The following GPR39 variants were observed in gnomAD, a reference collection of about 807,000 sequenced individuals.
GPR39 encodes the protein zinc sensing receptor.
Under a neutral mutation model 18.4 loss-of-function variants are expected in GPR39, and 23 were observed. That is an observed-to-expected ratio of 1.25 (90% CI 0.90 to 1.77). The LOEUF (loss-of-function observed/expected upper bound fraction) is 1.77. Ranked by LOEUF, GPR39 falls within the 40% of genes most tolerant of loss-of-function variation. GPR39 has a pLI of 0.00. For synonymous variants in GPR39, 280 were observed against 257.9 expected (o/e 1.09, Z -0.82); for missense variants, 647 against 602.4 (o/e 1.07, Z -0.78).
At chr2:132,636,156 G>A (rs775924510) in intron 1 of GPR39, among the ~76,000 whole-genome samples, 1 of 152,196 alleles carries the variant, frequency 6.6e-6, no homozygotes, top group Non-Finnish European at 1.5e-5. Flanking sequence ...ACAAGAAGTG[G>A]TAGCTGGTGT....
intron 1 of GPR39, among the ~76,000 whole-genome samples, chr2:132,601,305 AAC>A (rs1360822990): frequency 6.6e-6 from 1 of 152,226 alleles, no homozygotes; most frequent in Non-Finnish European, 1.5e-5. Flanking sequence ...AGGATGGTTT[AAC>A]ACACACAAAT....
chr2:132,644,410 A>C (rs1681943560), intron 1 of GPR39, among the ~76,000 whole-genome samples: 3 of 152,236 alleles, frequency 2.0e-5, no homozygotes. Context: ...CCATCTCTGA[A>C]TAATTCTTTT....
At chr2:132,528,235 G>A (rs1679547651) in intron 1 of GPR39, among the ~76,000 whole-genome samples, 1 of 152,148 alleles carries the variant, frequency 6.6e-6, no homozygotes, top group African/African-American at 2.4e-5. Context: ...AGATCAGATG[G>A]TTGTGGATAT....
rs368535701 is a variant in GPR39 at position 132,634,788 on chromosome 2, G to A, written c.857-10313G>A. Among the ~76,000 whole-genome samples, 36 of 152,350 alleles carry A rather than the reference G, an allele frequency of 2.4e-4. No homozygotes were observed. In the East Asian group the frequency reaches 4.4e-3, roughly 19 times the overall value. ...CCTCAGGTGAATTATTTTGGCATAAGTGAATGTCCTCTGATATGTCTTTGG... is the reference window on the plus strand; with the variant it reads ...CCTCAGGTGAATTATTTTGGCATAAATGAATGTCCTCTGATATGTCTTTGG... On this transcript the variant is annotated intron_variant, in intron 1 of 1. Coordinates refer to ENST00000329321, the MANE Select transcript of GPR39 (RefSeq NM_001508.3).
At chr2:132,490,485 A>G (rs1681435276) in intron 1 of GPR39, among the ~76,000 whole-genome samples, 1 of 151,978 alleles carries the variant, frequency 6.6e-6, no homozygotes, top group Admixed American at 6.5e-5. Flanking sequence ...ACACTTCTAC[A>G]CAACGGAGGG....
At chr2:132,551,910 A>G (rs1241282512) in intron 1 of GPR39, among the ~76,000 whole-genome samples, 1 of 152,194 alleles carries the variant, frequency 6.6e-6, no homozygotes, top group African/African-American at 2.4e-5. Flanking sequence ...GTTGGGATCC[A>G]TCACTGAGAA....
chr2:132,475,340 A>G (rs1373909189), intron 1 of GPR39, among the ~76,000 whole-genome samples: 1 of 151,360 alleles, frequency 6.6e-6, no homozygotes, highest in Non-Finnish European at 1.5e-5. Context: ...CCTGTATATC[A>G]CTGTGCATGC....
At chr2:132,479,171 G>T (rs183630365) in intron 1 of GPR39, among the ~76,000 whole-genome samples, 1 of 152,200 alleles carries the variant, frequency 6.6e-6, no homozygotes, top group Non-Finnish European at 1.5e-5. Context: ...TTAAAGGCCC[G>T]TGGTATTCCA....
chr2:132,628,145 T>G (rs1234654802), intron 1 of GPR39, among the ~76,000 whole-genome samples: 2 of 152,174 alleles, frequency 1.3e-5, no homozygotes, highest in African/African-American at 4.8e-5. Flanking sequence ...AAATACAGCC[T>G]TGCTCTGGGA....
At chr2:132,544,795 C>G (rs865783392) in intron 1 of GPR39, among the ~76,000 whole-genome samples, 1 of 152,154 alleles carries the variant, frequency 6.6e-6, no homozygotes, top group Non-Finnish European at 1.5e-5. Context: ...AGAGGACAGA[C>G]CACCTGAAGT....
intron 1 of GPR39, among the ~76,000 whole-genome samples, chr2:132,456,017 C>G (rs1361657049): frequency 6.6e-6 from 1 of 152,106 alleles, no homozygotes; most frequent in Non-Finnish European, 1.5e-5. Flanking sequence ...GATCTGAGTT[C>G]AAGTCCTGGA....
intron 1 of GPR39, among the ~76,000 whole-genome samples, chr2:132,553,082 T>A (rs927918813): frequency 1.3e-5 from 2 of 151,332 alleles, no homozygotes; most frequent in East Asian, 3.9e-4. Flanking sequence ...TGCACCACCA[T>A]GCCTGGCTAA....
chr2:132,502,037 C>A (rs764496467), intron 1 of GPR39, among the ~76,000 whole-genome samples: 2 of 152,076 alleles, frequency 1.3e-5, no homozygotes, highest in Non-Finnish European at 2.9e-5. Flanking sequence ...ATTCTGCCAT[C>A]TTGTATCTTT....
intron 1 of GPR39, among the ~76,000 whole-genome samples, chr2:132,632,171 A>G (rs1052614033): frequency 7.9e-5 from 12 of 152,056 alleles, no homozygotes; most frequent in Admixed American, 3.3e-4. Flanking sequence ...CAGGCCTGGC[A>G]GTGGGGGTGG....
chr2:132,557,866 G>A (rs1025278630), intron 1 of GPR39, among the ~76,000 whole-genome samples: 1 of 152,162 alleles, frequency 6.6e-6, no homozygotes, highest in Non-Finnish European at 1.5e-5. Context: ...TGCCGCCCGG[G>A]GGGGCTGTAA....
chr2:132,480,286 T>C (rs1681209211), intron 1 of GPR39, among the ~76,000 whole-genome samples: 1 of 152,140 alleles, frequency 6.6e-6, no homozygotes, highest in Admixed American at 6.5e-5. Flanking sequence ...TGTTGTTCAG[T>C]GGGTAAAGAG....
chr2:132,550,736 G>A (rs989841489), intron 1 of GPR39, among the ~76,000 whole-genome samples: 6 of 152,196 alleles, frequency 3.9e-5, no homozygotes, highest in Non-Finnish European at 8.8e-5. Flanking sequence ...GCAAAAAGAA[G>A]TGATGTTACT....
chr2:132,564,626 C>T (rs1254329811), intron 1 of GPR39, among the ~76,000 whole-genome samples: 1 of 152,004 alleles, frequency 6.6e-6, no homozygotes, highest in African/African-American at 2.4e-5. Context: ...CCAGTACCTG[C>T]ACCATCTTGA....
chr2:132,622,718 TAGAA>T (rs1218806123), intron 1 of GPR39, among the ~76,000 whole-genome samples: 1 of 152,206 alleles, frequency 6.6e-6, no homozygotes, highest in Non-Finnish European at 1.5e-5. Flanking sequence ...TTGGAGTTGA[TAGAA>T]AGGAATACTT....
Sources: gnomAD v4.1 joint callset for allele counts (sites outside exome capture counted in the v4.1 genomes callset) on GRCh38, gnomAD v4.1.1 for gene constraint, MANE v1.5 for transcripts, NCBI Gene and HGNC (gene_info 2026-07-23, HGNC 2026-07-21) for gene names.